The following GPHN variants were observed in gnomAD, a reference collection of about 807,000 sequenced individuals.
The protein encoded by GPHN is gephyrin.
Under a neutral mutation model 95.5 loss-of-function variants are expected in GPHN, and 17 were observed. That is an observed-to-expected ratio of 0.18 (90% confidence interval 0.12 to 0.27). The LOEUF (loss-of-function observed/expected upper bound fraction) is 0.27, where lower values mean the gene tolerates loss of function less well. Ranked by LOEUF, GPHN falls within the 10% of genes least tolerant of loss-of-function variation. GPHN has a pLI of 1.00. For missense variants in GPHN, 660 were observed against 978.1 expected (o/e 0.67, Z 4.34); for synonymous variants, 320 against 322.5 (o/e 0.99, Z 0.08).
chr14:66,781,191 A>G (rs1019871811), intron 3 of GPHN, among the ~76,000 whole-genome samples: 1 of 149,954 alleles, frequency 6.7e-6, no homozygotes, highest in South Asian at 2.1e-4. Context: ...TCCCTTTTTC[A>G]CCCTAGATGT....
intron 5 of GPHN, among the ~76,000 whole-genome samples, chr14:66,898,466 TAAAAAAAAAA>T (rs59434196): frequency 0.026 from 2,383 of 91,782 alleles, 51 homozygotes; most frequent in Middle Eastern, 0.083. Context: ...GCTACTTGTT[TAAAAAAAAAA>T]AAAAAAAAAA....
chr14:66,683,906 G>T (rs2067166526), intron 2 of GPHN, among the ~76,000 whole-genome samples: 2 of 151,034 alleles, frequency 1.3e-5, no homozygotes, highest in African/African-American at 4.9e-5. Context: ...GAACCCAGAG[G>T]CAGAGCTTGC....
At chr14:66,964,942 T>C (rs1336329564) in intron 8 of GPHN, among the ~76,000 whole-genome samples, 1 of 152,210 alleles carries the variant, frequency 6.6e-6, no homozygotes, top group African/African-American at 2.4e-5. Context: ...CAATCCTTTA[T>C]TCCTAACCAC....
chr14:66,707,810 A>G (rs1250977905), intron 2 of GPHN, among the ~76,000 whole-genome samples: 1 of 152,144 alleles, frequency 6.6e-6, no homozygotes, highest in Non-Finnish European at 1.5e-5. Flanking sequence ...AAGGTCAAAA[A>G]ACCCTGTACA....
At chr14:67,335,415 A>G in the GPHN span, 1 of 152,242 alleles carries the variant, frequency 6.6e-6, no homozygotes, top group Non-Finnish European at 1.5e-5. Context: ...TAATATAGAA[A>G]TGATATCAAT....
intron 1 of GPHN, among the ~76,000 whole-genome samples, chr14:66,664,989 C>CA (rs937401198): frequency 0.11 from 5,893 of 54,460 alleles, 268 homozygotes; most frequent in African/African-American, 0.12. Flanking sequence ...GCCTACCAAC[C>CA]AAAAAAAAAA....
chr14:66,948,646 A>T (rs1010068218), intron 8 of GPHN, among the ~76,000 whole-genome samples: 1 of 152,192 alleles, frequency 6.6e-6, no homozygotes, highest in Admixed American at 6.5e-5. Context: ...GCCATTTCAC[A>T]TACTACCAGA....
chr14:67,300,336 C>CTTTTTTTTTTTTTTTTTTTTT, the GPHN span, among the ~76,000 whole-genome samples: 70 of 139,060 alleles, frequency 5.0e-4, 1 homozygote, highest in Non-Finnish European at 7.7e-4. Context: ...TATGAATTAC[C>CTTTTTTTTTTTTTTTTTTTTT]TTTTTTTTTT....
chr14:67,477,217 A>G, the GPHN span, among the ~76,000 whole-genome samples: 1 of 152,010 alleles, frequency 6.6e-6, no homozygotes, highest in Non-Finnish European at 1.5e-5. Flanking sequence ...ATGAAACACA[A>G]CAGCATCCTT....
At chr14:66,594,299 G>C (rs2061879716) in intron 1 of GPHN, among the ~76,000 whole-genome samples, 1 of 129,326 alleles carries the variant, frequency 7.7e-6, no homozygotes, top group Non-Finnish European at 1.5e-5. Context: ...ATATTCCCCA[G>C]AAATAGAAAA....
At chr14:67,646,144 G>A in the GPHN span, among the ~76,000 whole-genome samples, 81 of 152,300 alleles carry the variant, frequency 5.3e-4, no homozygotes, top group African/African-American at 1.9e-3. Flanking sequence ...ATTTTCCTGA[G>A]CAGTTCAGAA....
intron 5 of GPHN, among the ~76,000 whole-genome samples, chr14:66,914,312 T>A (rs576960839): frequency 6.6e-6 from 1 of 152,130 alleles, no homozygotes; most frequent in Non-Finnish European, 1.5e-5. Flanking sequence ...AACCTTCTAA[T>A]GGAGGGAGTT....
At chr14:67,726,160 G>A in the GPHN span, 2 of 1,559,884 alleles carry the variant, frequency 1.3e-6, no homozygotes, top group East Asian at 2.2e-5. Flanking sequence ...ACCTGGGTAA[G>A]TATCTTTGGG....
intron 1 of GPHN, among the ~76,000 whole-genome samples, chr14:66,655,321 A>G (rs1440327528): frequency 1.3e-5 from 2 of 152,152 alleles, no homozygotes; most frequent in Admixed American, 6.5e-5. Context: ...CAAGCCCTAC[A>G]ACGTTTTGTA....
rs868795378 is a variant in GPHN at position 66,777,156 on chromosome 14, G to A, written c.201+635G>A. Among the ~76,000 whole-genome samples the A allele has an allele frequency of 6.1e-3, 921 of 150,764 alleles. 9 individuals are homozygous for A. Among genetic ancestry groups the A allele is most frequent in the Non-Finnish European group, 0.01 (708 of 67,732 alleles). On this transcript the variant is annotated intron_variant, in intron 3 of 22. Coordinates refer to ENST00000478722, the MANE Select transcript of GPHN (RefSeq NM_020806.5). ...TAAAGGGGATATCACCACCGATCCCGCAGAAATACAAACTACCATCAGAGA... is the reference window on the plus strand; with the variant it reads ...TAAAGGGGATATCACCACCGATCCCACAGAAATACAAACTACCATCAGAGA...
chr14:67,040,562 G>C (rs894573113), intron 10 of GPHN, among the ~76,000 whole-genome samples: 2 of 152,078 alleles, frequency 1.3e-5, no homozygotes, highest in Non-Finnish European at 2.9e-5. Context: ...ACATTCTTCT[G>C]ATCTGGGATT....
chr14:66,803,157 A>G (rs1189060940), intron 3 of GPHN, among the ~76,000 whole-genome samples: 1 of 152,164 alleles, frequency 6.6e-6, no homozygotes, highest in East Asian at 1.9e-4. Flanking sequence ...CCCTATGGCT[A>G]GGGATGGTCA....
the GPHN span, chr14:67,393,014 A>C: frequency 1.1e-6 from 1 of 877,280 alleles, no homozygotes; most frequent in Non-Finnish European, 1.9e-6. Flanking sequence ...GCACACCCAC[A>C]CATGGCCATC....
the GPHN span, chr14:67,397,517 G>A: frequency 9.4e-6 from 6 of 635,308 alleles, no homozygotes; most frequent in African/African-American, 1.8e-5. Context: ...CACATACCTG[G>A]TATGTGGCGG....
Sources: gnomAD v4.1 joint callset for allele counts (sites outside exome capture counted in the v4.1 genomes callset) on GRCh38, gnomAD v4.1.1 for gene constraint, MANE v1.5 for transcripts, NCBI Gene and HGNC (gene_info 2026-07-23, HGNC 2026-07-21) for gene names.